Variants in ATP11B observed in about 807,000 individuals in gnomAD.
ATP11B encodes the protein ATPase phospholipid transporting 11B (putative), also known as phospholipid-transporting ATPase IF.
A neutral mutation model predicts 157.8 loss-of-function variants in ATP11B; 81 were observed. The observed-to-expected ratio is 0.51, with a 90% CI of 0.43 to 0.62. The LOEUF (loss-of-function observed/expected upper bound fraction) is 0.62, where lower values mean the gene tolerates loss of function less well. ATP11B is among the 20% of genes least tolerant of loss of function. The pLI, the probability that ATP11B is intolerant of heterozygous loss-of-function variation, is 0.00. For missense variants in ATP11B, 1,165 were observed against 1,402.2 expected (o/e 0.83, Z 2.70); for synonymous variants, 451 against 469.4 (o/e 0.96, Z 0.51).
In ATP11B at chr3:182,864,631, A is replaced by G. The variant is rs1457753854; in HGVS notation, c.1201-825A>G. Among the ~76,000 whole-genome samples the G allele has an allele frequency of 2.0e-5, 3 of 151,978 alleles. No homozygotes were observed. The East Asian group carries it at 5.8e-4, about 29-fold the overall frequency. The stretch of plus-strand genomic sequence containing the variant: ...AAATCCCACATATTTGTAGTATATA[A>G]CCCTTTTTATATGTTTCTGGATTTG... On this transcript the variant is annotated intron_variant, in intron 12 of 29. Transcript: ENST00000323116.
intron 2 of ATP11B, among the ~76,000 whole-genome samples, chr3:182,821,166 G>A (rs1486919719): frequency 1.3e-5 from 2 of 152,140 alleles, no homozygotes; most frequent in Non-Finnish European, 2.9e-5. Flanking sequence ...CTGGAATGCA[G>A]TGGTGCAATC....
intron 17 of ATP11B, among the ~76,000 whole-genome samples, chr3:182,870,555 A>G (rs1721579048): frequency 1.3e-5 from 2 of 152,166 alleles, no homozygotes; most frequent in East Asian, 1.9e-4. Context: ...TGTGCTCAGT[A>G]AGTATTTGTT....
In ATP11B at chr3:182,793,758, G is replaced by A. The variant is rs764064739; in HGVS notation, c.-2G>A. ...CGGGACCCGGACGGCGACGACGGGG[G>A]AATGTGGCGCTGGATCCGGCAGCAG... On this transcript the variant is annotated 5_prime_UTR_variant, in exon 1 of 30. Transcript: ENST00000323116. 8.5e-6 allele frequency: 12 copies of A among 1,412,264 alleles called. No homozygotes were observed. The South Asian group carries it at 1.1e-4, about 13-fold the overall frequency. The allele number at this position is 1,412,264 out of a possible 1,614,324, so 87.5% of individuals were successfully genotyped here.
At chr3:182,838,200 A>T (rs1718704485) in intron 7 of ATP11B, among the ~76,000 whole-genome samples, 1 of 152,050 alleles carries the variant, frequency 6.6e-6, no homozygotes, top group Non-Finnish European at 1.5e-5. Flanking sequence ...TTGCCAAATA[A>T]CTAAAAACTT....
chr3:182,805,170 A>G (rs1190356211), intron 1 of ATP11B, among the ~76,000 whole-genome samples: 1 of 152,104 alleles, frequency 6.6e-6, no homozygotes, highest in Non-Finnish European at 1.5e-5. Context: ...TCATATAGTA[A>G]CTCTGTTTTT....
rs1491420452 is a variant in ATP11B at position 182,920,362 on chromosome 3, A to AAAAG, written c.*2260_*2263dup. The AAAAG allele has an allele frequency of 6.6e-6, 1 of 152,238 alleles. No homozygotes were observed. The highest frequency in any genetic ancestry group is 1.5e-5 in the Non-Finnish European group (1 of 68,038). 9.4% of individuals were successfully genotyped at this position (152,238 alleles called of 1,614,324 possible). On this transcript the variant is annotated 3_prime_UTR_variant, in exon 30 of 30. Coordinates refer to ENST00000323116, the MANE Select transcript of ATP11B (RefSeq NM_014616.3). ...AGCAAAATTATCTTGTGATTTTAAG[A>AAAAG]AAAGAGTTTTCTATTTATTTAAGAA...
intron 1 of ATP11B, among the ~76,000 whole-genome samples, chr3:182,801,619 C>G (rs1378952695): frequency 6.6e-6 from 1 of 152,188 alleles, no homozygotes; most frequent in Non-Finnish European, 1.5e-5. Flanking sequence ...CCCCCACCCA[C>G]TATCCTCACT....
intron 12 of ATP11B, among the ~76,000 whole-genome samples, chr3:182,861,594 CAT>C (rs1480322456): frequency 6.6e-6 from 1 of 152,090 alleles, no homozygotes; most frequent in Non-Finnish European, 1.5e-5. Context: ...GAGTGTGACT[CAT>C]AACACATGGT....
chr3:182,820,756 C>T (rs1340054146), intron 2 of ATP11B, among the ~76,000 whole-genome samples: 2 of 151,976 alleles, frequency 1.3e-5, no homozygotes, highest in South Asian at 2.1e-4. Context: ...TTATTTATAT[C>T]CTTACAAATT....
intron 28 of ATP11B, among the ~76,000 whole-genome samples, chr3:182,911,947 C>CA (rs1724824735): frequency 1.3e-5 from 2 of 152,114 alleles, no homozygotes; most frequent in African/African-American, 4.8e-5. Flanking sequence ...CAGGCCCCGA[C>CA]ACGTTGCCCA....
At position 182,829,767 on chromosome 3, in the gene ATP11B, C is replaced by T. The variant is rs1240834881; in HGVS notation, c.315+15C>T. The T allele has an allele frequency of 1.3e-6, 2 of 1,563,404 alleles. No individual in the cohort carries two copies. The highest frequency in any genetic ancestry group is 1.4e-5 in the African/African-American group (1 of 72,834). On this transcript the variant is annotated intron_variant, in intron 4 of 29. Transcript: ENST00000323116. ...CCATAAAGCAGGTATGAAATACTTT[C>T]TTTTTTTAATTTTCCTCTAAGTCAT... is the stretch of plus-strand genomic sequence containing the variant.
intron 29 of ATP11B, chr3:182,915,543 C>A: frequency 1.0e-6 from 1 of 982,512 alleles, no homozygotes; most frequent in Non-Finnish European, 1.2e-6. Context: ...TACAATAGAA[C>A]CTCTACAGAA....
In ATP11B at chr3:182,901,348, A is replaced by C. The variant is rs1473748289; in HGVS notation, c.3318+2576A>C. Among the ~76,000 whole-genome samples the C allele has an allele frequency of 4.0e-5, 6 of 151,448 alleles. 1 individual carries two copies. Among genetic ancestry groups the C allele is most frequent in the African/African-American group, 1.5e-4 (6 of 41,322 alleles). ...AGTGAGACTCCGTCTCACAAAAAAA[A>C]AAAAACAAAAAAAAAACCTTAATTC... is the stretch of plus-strand genomic sequence containing the variant. On this transcript the variant is annotated intron_variant, in intron 28 of 29. Transcript: ENST00000323116.
intron 8 of ATP11B, chr3:182,843,425 T>C (rs1719208449): frequency 6.6e-6 from 1 of 152,238 alleles, no homozygotes; most frequent in Non-Finnish European, 1.5e-5. Flanking sequence ...GTCTAGAATA[T>C]GAAAAATGTT....
intron 8 of ATP11B, chr3:182,844,593 T>C (rs527471500): frequency 1.0e-6 from 1 of 980,242 alleles, no homozygotes; most frequent in Non-Finnish European, 1.2e-6. Flanking sequence ...AAGTATGCAA[T>C]GCAAGTAGTC....
At position 182,845,462 on chromosome 3, in the gene ATP11B, C is replaced by T. The variant is rs1719439802; in HGVS notation, c.709C>T (p.Leu237=). The T allele has an allele frequency of 6.3e-7, 1 of 1,596,296 alleles. No homozygotes were observed. The highest frequency in any genetic ancestry group is 8.5e-7 in the Non-Finnish European group (1 of 1,175,826). ...GTTATTTTCTTTTTTTCCTAGACCT[C>T]TGGGGCCGGAGAGTCTCCTGCTTCG... ...TQQMEEIVRP[L]GPESLLLRGA... is the part of the protein sequence containing the mutation. Residue 237 remains leucine, a synonymous_variant, in exon 9 of 30, where the codon CTG becomes TTG. Coordinates refer to ENST00000323116, the MANE Select transcript of ATP11B (RefSeq NM_014616.3).
At chr3:182,806,656 C>T (rs1716345682) in intron 1 of ATP11B, among the ~76,000 whole-genome samples, 1 of 152,180 alleles carries the variant, frequency 6.6e-6, no homozygotes. Flanking sequence ...GACAATTTCT[C>T]ATTTTCAGCA....
At position 182,872,463 on chromosome 3, in the gene ATP11B, A is replaced by C; in HGVS notation, c.1974A>C (p.Glu658Asp). The C allele has an allele frequency of 6.2e-7, 1 of 1,614,164 alleles. No individual in the cohort carries two copies. Among genetic ancestry groups the C allele is most frequent in the Non-Finnish European group, 8.5e-7 (1 of 1,179,996 alleles). The change falls in exon 18 of 30, where the codon GAA (glutamate) becomes GAC (aspartate). Residue 658 changes from glutamate to aspartate, a missense_variant. Glu to Asp is a conservative substitution (Grantham distance 45, BLOSUM62 2). Coordinates refer to ENST00000323116, the MANE Select transcript of ATP11B (RefSeq NM_014616.3). The part of the protein sequence containing the change: ...FEARTALQQR[E>D]EKLAAVFQFI... ...CCAGGACTGCCTTGCAGCAGCGGGA[A>C]GAGAAATTGGCAGCTGTTTTCCAGT...
chr3:182,801,939 A>C (rs1431921339), intron 1 of ATP11B, among the ~76,000 whole-genome samples: 2 of 152,222 alleles, frequency 1.3e-5, no homozygotes, highest in Admixed American at 1.3e-4. Context: ...TTTAAAAGTC[A>C]ACTGCTCTTT....
Sources: gnomAD v4.1 joint callset for allele counts (sites outside exome capture counted in the v4.1 genomes callset) on GRCh38, gnomAD v4.1.1 for gene constraint, MANE v1.5 for transcripts, NCBI Gene and HGNC (gene_info 2026-07-23, HGNC 2026-07-21) for gene names.